Variants in CCDC91 observed in about 807,000 individuals in gnomAD.
CCDC91 encodes the protein coiled-coil domain-containing protein 91.
In CCDC91, 48 loss-of-function variants were observed where a neutral mutation model predicts 63.2. The ratio of observed to expected loss-of-function variants is 0.76; its 90% CI spans 0.60 to 0.97. The LOEUF (loss-of-function observed/expected upper bound fraction) is 0.97, where lower values mean the gene tolerates loss of function less well. Ranked by LOEUF, CCDC91 falls within the 50% of genes least tolerant of loss-of-function variation. CCDC91 has a pLI of 0.00. For synonymous variants in CCDC91, 167 were observed against 165.8 expected (o/e 1.01, Z -0.06); for missense variants, 500 against 494.6 (o/e 1.01, Z -0.10).
At chr12:28,283,328 C>T (rs1474863372) in intron 3 of CCDC91, among the ~76,000 whole-genome samples, 2 of 150,640 alleles carry the variant, frequency 1.3e-5, no homozygotes, top group African/African-American at 4.9e-5. Flanking sequence ...AATATTGATT[C>T]TTCCTATCCA....
At chr12:28,257,844 CA>C (rs1157483291) in intron 2 of CCDC91, among the ~76,000 whole-genome samples, 1 of 151,480 alleles carries the variant, frequency 6.6e-6, no homozygotes, top group East Asian at 1.9e-4. Context: ...TTTATGGAGC[CA>C]GTATAGTCTT....
At chr12:28,447,023 A>G (rs1215894518) in intron 8 of CCDC91, among the ~76,000 whole-genome samples, 2 of 152,142 alleles carry the variant, frequency 1.3e-5, no homozygotes. Context: ...ATTGTTAGAA[A>G]AGGTGTAATT....
chr12:28,493,478 ATG>A (rs1000012984), intron 12 of CCDC91, among the ~76,000 whole-genome samples: 11 of 151,856 alleles, frequency 7.2e-5, no homozygotes, highest in Non-Finnish European at 1.6e-4. Context: ...ATGTGTATAT[ATG>A]TACACTGAAC....
chr12:28,389,250 T>TG (rs1249129351), intron 7 of CCDC91, among the ~76,000 whole-genome samples: 3 of 152,276 alleles, frequency 2.0e-5, no homozygotes, highest in African/African-American at 7.2e-5. Context: ...CAGTGTGTGA[T>TG]GATCAAGGGA....
chr12:28,411,459 T>C (rs1372665418), intron 8 of CCDC91, among the ~76,000 whole-genome samples: 1 of 152,178 alleles, frequency 6.6e-6, no homozygotes, highest in Non-Finnish European at 1.5e-5. Flanking sequence ...GATGATTTTA[T>C]TGTGAGATAT....
At chr12:28,305,599 G>T in intron 3 of CCDC91, 50 bp from the exon 4 acceptor site, 3 of 1,492,828 alleles carry the variant, frequency 2.0e-6, no homozygotes, top group Non-Finnish European at 1.8e-6. Context: ...TTCCCTCTCT[G>T]TTTTCTCTTT....
chr12:28,238,891 G>A (rs1232457174), intron 1 of CCDC91, among the ~76,000 whole-genome samples: 1 of 151,974 alleles, frequency 6.6e-6, no homozygotes, highest in Non-Finnish European at 1.5e-5. Flanking sequence ...AGGTCAAGAT[G>A]GGCAGATCAC....
intron 6 of CCDC91, among the ~76,000 whole-genome samples, chr12:28,345,967 T>C (rs1165033360): frequency 2.0e-5 from 3 of 152,202 alleles, no homozygotes; most frequent in Admixed American, 2.0e-4. Flanking sequence ...ACTTTTTATC[T>C]TTAAATGAAT....
chr12:28,522,793 C>T (rs1940854432), intron 12 of CCDC91, among the ~76,000 whole-genome samples: 1 of 152,140 alleles, frequency 6.6e-6, no homozygotes, highest in Non-Finnish European at 1.5e-5. Flanking sequence ...TCATTGGTTT[C>T]AAAGAACATC....
chr12:28,223,198 T>G (rs761385466), intron 1 of CCDC91, among the ~76,000 whole-genome samples: 9 of 152,182 alleles, frequency 5.9e-5, no homozygotes, highest in Non-Finnish European at 1.2e-4. Flanking sequence ...CTTGCATGTT[T>G]CTGGGTTTTA....
chr12:28,270,670 A>G (rs1947706815), intron 3 of CCDC91, among the ~76,000 whole-genome samples: 1 of 152,170 alleles, frequency 6.6e-6, no homozygotes, highest in Non-Finnish European at 1.5e-5. Context: ...TAAAGGAGCA[A>G]CCTTAAAGTA....
At chr12:28,449,211 G>T (rs924111098) in intron 8 of CCDC91, among the ~76,000 whole-genome samples, 17 of 151,920 alleles carry the variant, frequency 1.1e-4, no homozygotes, top group African/African-American at 4.1e-4. Flanking sequence ...TCTCAATATA[G>T]ACTGTCTCCC....
At chr12:28,427,910 T>C (rs1948414392) in intron 8 of CCDC91, among the ~76,000 whole-genome samples, 1 of 152,164 alleles carries the variant, frequency 6.6e-6, no homozygotes, top group Admixed American at 6.6e-5. Flanking sequence ...AGCCTTTTCT[T>C]AGATTAAAAG....
At chr12:28,459,568 A>C (rs994889398) in intron 11 of CCDC91, among the ~76,000 whole-genome samples, 2 of 152,184 alleles carry the variant, frequency 1.3e-5, no homozygotes, top group African/African-American at 4.8e-5. Context: ...AGAAGTATTC[A>C]TCACACTGTC....
intron 7 of CCDC91, among the ~76,000 whole-genome samples, chr12:28,366,121 A>G (rs574752452): frequency 9.2e-5 from 14 of 152,116 alleles, no homozygotes; most frequent in Non-Finnish European, 1.6e-4. Context: ...TGAAGACATG[A>G]CTTTTTATAT....
At position 28,275,431 on chromosome 12, in the gene CCDC91, A is replaced by T. The variant is rs146973773; in HGVS notation, c.109+15989A>T. ...CCAAGACTAAACCAGGAAGAAGTTG[A>T]ATCTCTGAATAGACCAATAACAGGC... On this transcript the variant is annotated intron_variant, in intron 3 of 12. Coordinates refer to ENST00000536442, the MANE Select transcript of CCDC91 (RefSeq NM_018318.5). Among the ~76,000 whole-genome samples, 1,300 of 152,268 alleles carry T rather than the reference A, an allele frequency of 8.5e-3. 18 individuals carry two copies. Among genetic ancestry groups the T allele is most frequent in the African/African-American group, 0.026 (1,096 of 41,556 alleles).
chr12:28,379,015 T>G (rs2139023029), intron 7 of CCDC91, among the ~76,000 whole-genome samples: 1 of 152,224 alleles, frequency 6.6e-6, no homozygotes, highest in East Asian at 1.9e-4. Context: ...AGCCTCATTC[T>G]AATATAGATT....
chr12:28,472,309 T>G (rs1485634929), intron 11 of CCDC91, among the ~76,000 whole-genome samples: 3 of 152,152 alleles, frequency 2.0e-5, no homozygotes, highest in Non-Finnish European at 4.4e-5. Flanking sequence ...CCTCCCAGAT[T>G]GCCACCTTGC....
At chr12:28,406,086 T>G (rs1946921641) in intron 8 of CCDC91, among the ~76,000 whole-genome samples, 1 of 152,100 alleles carries the variant, frequency 6.6e-6, no homozygotes. Context: ...TGACATTATT[T>G]TTTCCTCAAT....
Sources: gnomAD v4.1 joint callset for allele counts (sites outside exome capture counted in the v4.1 genomes callset) on GRCh38, gnomAD v4.1.1 for gene constraint, MANE v1.5 for transcripts, NCBI Gene and HGNC (gene_info 2026-07-23, HGNC 2026-07-21) for gene names.